Variants in ESRRB observed in about 807,000 individuals in gnomAD.
The protein encoded by ESRRB is steroid hormone receptor ERR2.
In ESRRB, 16 loss-of-function variants were observed where a neutral mutation model predicts 46.0. That is an observed-to-expected ratio of 0.35 (90% confidence interval 0.24 to 0.53). The LOEUF is 0.53. Ranked by LOEUF, ESRRB falls within the 20% of genes least tolerant of loss-of-function variation. The probability of loss-of-function intolerance (pLI) is 0.93; values close to 1 mark genes in which losing one functional copy is unlikely to be tolerated. For missense variants in ESRRB, 488 were observed against 607.4 expected (o/e 0.80, Z 2.07); for synonymous variants, 246 against 259.6 (o/e 0.95, Z 0.50).
chr14:76,337,342 G>A (rs1464258873), intron 1 of ESRRB, among the ~76,000 whole-genome samples: 4 of 152,186 alleles, frequency 2.6e-5, no homozygotes, highest in African/African-American at 7.2e-5. Context: ...GCTGCCGTGG[G>A]TGTTGCAGGA....
intron 5 of ESRRB, among the ~76,000 whole-genome samples, chr14:76,485,624 C>T (rs1889977997): frequency 1.1e-5 from 1 of 89,154 alleles, no homozygotes; most frequent in African/African-American, 4.7e-5. Flanking sequence ...GCTCCCTATC[C>T]CTGAGAGAGA....
At chr14:76,325,152 A>G (rs1432444959) in intron 1 of ESRRB, among the ~76,000 whole-genome samples, 1 of 151,486 alleles carries the variant, frequency 6.6e-6, no homozygotes, top group Non-Finnish European at 1.5e-5. Flanking sequence ...TTTGGTAGAA[A>G]CAGGGTTTCA....
At chr14:76,332,484 T>C (rs1401440564) in intron 1 of ESRRB, among the ~76,000 whole-genome samples, 1 of 112,472 alleles carries the variant, frequency 8.9e-6, no homozygotes, top group East Asian at 2.2e-4. Context: ...ATATATAATA[T>C]ATAAATATAT....
At position 76,483,077 on chromosome 14, in the gene ESRRB, G is replaced by A. The variant is rs78267854; in HGVS notation, c.850+318G>A. On this transcript the variant is annotated intron_variant, in intron 5 of 6. Transcript: ENST00000644823. ...TCCTTGAGCCCTTAAAGGGCAAAGA[G>A]TAGGGTTTTCTTGTAGACCTTATTG... is the stretch of plus-strand genomic sequence containing the variant. 2.1e-3 allele frequency among the ~76,000 whole-genome samples: 320 copies of A among 152,320 alleles called. 2 individuals carry two copies. The highest frequency in any genetic ancestry group is 7.4e-3 in the African/African-American group (307 of 41,568).
upstream of ESRRB, among the ~76,000 whole-genome samples, chr14:76,367,456 C>T (rs1383725296): frequency 2.0e-5 from 3 of 151,386 alleles, no homozygotes; most frequent in African/African-American, 7.3e-5. Flanking sequence ...CTCCAGGAGG[C>T]TGAGGCAGGA....
At chr14:76,341,995 G>A (rs1166453255) in intron 1 of ESRRB, among the ~76,000 whole-genome samples, 2 of 152,228 alleles carry the variant, frequency 1.3e-5, no homozygotes, top group African/African-American at 2.4e-5. Context: ...CCATGGCCTG[G>A]AGTTGGGCTG....
intron 3 of ESRRB, among the ~76,000 whole-genome samples, chr14:76,465,138 A>C (rs913444015): frequency 2.0e-5 from 3 of 151,836 alleles, no homozygotes; most frequent in Non-Finnish European, 2.9e-5. Context: ...CCTGAATTTT[A>C]CAGGTGACAA....
chr14:76,458,105 T>C (rs1052749695), intron 2 of ESRRB, among the ~76,000 whole-genome samples: 1 of 152,144 alleles, frequency 6.6e-6, no homozygotes, highest in Non-Finnish European at 1.5e-5. Context: ...CTATACTGAA[T>C]ACACTCCCAG....
chr14:76,313,644 G>A (rs1883765097), intron 1 of ESRRB, among the ~76,000 whole-genome samples: 1 of 152,088 alleles, frequency 6.6e-6, no homozygotes, highest in Admixed American at 6.5e-5. Context: ...CATAGTTGAG[G>A]CCTCTCCAAA....
intron 1 of ESRRB, among the ~76,000 whole-genome samples, chr14:76,415,524 G>A (rs1203912901): frequency 4.6e-5 from 7 of 152,162 alleles, no homozygotes; most frequent in Admixed American, 4.6e-4. Context: ...GCCAGGCGTG[G>A]TGGTTTGCAC....
At chr14:76,472,563 G>C (rs1378666419) in intron 3 of ESRRB, among the ~76,000 whole-genome samples, 1 of 152,204 alleles carries the variant, frequency 6.6e-6, no homozygotes, top group African/African-American at 2.4e-5. Flanking sequence ...CAGCCCAAAT[G>C]AGCCATTGTG....
At chr14:76,445,016 T>A (rs1888072734) in intron 2 of ESRRB, among the ~76,000 whole-genome samples, 1 of 151,610 alleles carries the variant, frequency 6.6e-6, no homozygotes, top group African/African-American at 2.4e-5. Context: ...AATAAATTTT[T>A]TAAAAATTAG....
At chr14:76,430,476 C>A (rs1018755048) in intron 1 of ESRRB, among the ~76,000 whole-genome samples, 6 of 152,160 alleles carry the variant, frequency 3.9e-5, no homozygotes, top group African/African-American at 1.4e-4. Context: ...GGTCTGGGGG[C>A]CTTGGATGAG....
chr14:76,491,601 C>T lies in ESRRB; in HGVS notation c.1005C>T (p.Leu335=), dbSNP rs1290069195. 11 of 1,586,560 alleles carry T rather than the reference C, an allele frequency of 6.9e-6. No individual in the cohort carries two copies. The highest frequency in any genetic ancestry group is 3.7e-5 in the Admixed American group (2 of 54,382). ...DYIMDEEHSR[L]AGLLELYRAI... ...TCATGGATGAGGAGCACTCCCGCCT[C>T]GCGGGGCTGCTGGAGCTCTACCGGG... Residue 335 remains leucine (L), a synonymous_variant, in exon 6 of 7, where the codon CTC becomes CTT. Transcript: ENST00000644823.
chr14:76,373,508 T>C (rs113923523), upstream of ESRRB, among the ~76,000 whole-genome samples: 2 of 152,244 alleles, frequency 1.3e-5, no homozygotes, highest in African/African-American at 4.8e-5. Flanking sequence ...CTCCGTGAGT[T>C]GGCTGAGGGC....
intron 1 of ESRRB, among the ~76,000 whole-genome samples, chr14:76,313,569 GCT>G (rs953390165): frequency 2.6e-5 from 4 of 152,122 alleles, no homozygotes; most frequent in African/African-American, 9.7e-5. Context: ...AATGCAGCAG[GCT>G]CAGGTGCAGG....
At chr14:76,387,635 T>A (rs1885293909) in intron 1 of ESRRB, among the ~76,000 whole-genome samples, 2 of 152,112 alleles carry the variant, frequency 1.3e-5, no homozygotes, top group Admixed American at 6.5e-5. Context: ...TTGCCTGACC[T>A]CCAGACGGGC....
At chr14:76,339,232 C>T (rs541590827) in intron 1 of ESRRB, among the ~76,000 whole-genome samples, 2 of 152,164 alleles carry the variant, frequency 1.3e-5, no homozygotes, top group South Asian at 2.1e-4. Context: ...AAATCAGCAT[C>T]GACTCCACTT....
intron 1 of ESRRB, among the ~76,000 whole-genome samples, chr14:76,326,723 G>A (rs1407797984): frequency 2.0e-5 from 3 of 152,198 alleles, no homozygotes; most frequent in Admixed American, 6.5e-5. Flanking sequence ...CGTTGGGGCT[G>A]CACGACTCCC....
Sources: allele counts gnomAD v4.1 joint callset (sites outside exome capture counted in the v4.1 genomes callset), GRCh38; gene constraint gnomAD v4.1.1; transcripts MANE v1.5; gene names NCBI Gene and HGNC (gene_info 2026-07-23, HGNC 2026-07-21).